The following MTPN variants were observed in gnomAD, a reference collection of about 807,000 sequenced individuals.
The protein encoded by MTPN is myotrophin, also known as granule cell differentiation protein.
In MTPN, 2 loss-of-function variants were observed where a neutral mutation model predicts 13.5. That is an observed-to-expected ratio of 0.15 (90% CI 0.06 to 0.47). The LOEUF is 0.47. Ranked by LOEUF, MTPN falls within the 20% of genes least tolerant of loss-of-function variation. The probability of loss-of-function intolerance (pLI) is 0.97; values close to 1 mark genes in which losing one functional copy is unlikely to be tolerated. For missense variants in MTPN, 79 were observed against 137.9 expected (o/e 0.57, Z 2.14); for synonymous variants, 46 against 51.7 (o/e 0.89, Z 0.48).
chr7:135,966,986 C>T (rs1297586787), intron 1 of MTPN, among the ~76,000 whole-genome samples: 5 of 152,022 alleles, frequency 3.3e-5, no homozygotes, highest in African/African-American at 4.8e-5. Context: ...CTGGAGAGGG[C>T]GGTGAAGAGC....
At chr7:135,950,516 A>G (rs76717481) in intron 3 of MTPN, 83 bp downstream of exon 3, 14,331 of 1,158,170 alleles carry the variant, frequency 0.012, 130 homozygotes, top group Non-Finnish European at 0.015. Flanking sequence ...CTGCTGCCAC[A>G]CAAAATTCAA....
At chr7:135,935,241 T>G (rs1198526305) in intron 3 of MTPN, among the ~76,000 whole-genome samples, 1 of 150,208 alleles carries the variant, frequency 6.7e-6, no homozygotes, top group Admixed American at 6.6e-5. Context: ...AATGATTTCT[T>G]TCTTTTTTTT....
Position 135,929,896 on chromosome 7 carries a change from T to C in MTPN, c.*30A>G. Reference sequence around the variant, plus strand: ...GCAGTGTGAGGCCACAGGAGAGTCATTCTTCCGGAGTTATCAGTCCATCCA... The same window carrying C: ...GCAGTGTGAGGCCACAGGAGAGTCACTCTTCCGGAGTTATCAGTCCATCCA... On this transcript the variant is annotated 3_prime_UTR_variant, in exon 4 of 4. Coordinates refer to ENST00000393085, the MANE Select transcript of MTPN (RefSeq NM_145808.4). 5 of 1,607,430 alleles carry C rather than the reference T, an allele frequency of 3.1e-6. No individual in the cohort carries two copies. Among genetic ancestry groups the C allele is most frequent in the Non-Finnish European group, 4.3e-6 (5 of 1,173,940 alleles).
At chr7:135,962,499 T>C (rs1012600362) in intron 1 of MTPN, among the ~76,000 whole-genome samples, 3 of 152,048 alleles carry the variant, frequency 2.0e-5, no homozygotes, top group Non-Finnish European at 4.4e-5. Flanking sequence ...CAACCAAATC[T>C]GTGAAAAACC....
At chr7:135,976,406 T>C (rs995290652) in intron 1 of MTPN, among the ~76,000 whole-genome samples, 1 of 152,212 alleles carries the variant, frequency 6.6e-6, no homozygotes, top group African/African-American at 2.4e-5. Flanking sequence ...CAGATGCCAG[T>C]TGACAACCTT....
intron 3 of MTPN, chr7:135,932,076 A>G (rs1799030343): frequency 1.3e-5 from 2 of 152,160 alleles, no homozygotes; most frequent in African/African-American, 4.8e-5. Context: ...ATACTAGATC[A>G]TATTCATTGT....
At chr7:135,955,592 T>C (rs946334129) in intron 1 of MTPN, among the ~76,000 whole-genome samples, 5 of 152,302 alleles carry the variant, frequency 3.3e-5, no homozygotes, top group Middle Eastern at 3.4e-3. Flanking sequence ...CAGCATTACT[T>C]TGATTCCAAA....
intron 1 of MTPN, among the ~76,000 whole-genome samples, chr7:135,976,189 T>C (rs1272643273): frequency 6.6e-6 from 1 of 152,246 alleles, no homozygotes; most frequent in Non-Finnish European, 1.5e-5. Flanking sequence ...TTTCCCACTC[T>C]GCCACAATGT....
chr7:135,947,603 C>T (rs999250), intron 3 of MTPN, among the ~76,000 whole-genome samples: 12,060 of 151,916 alleles, frequency 0.079, 540 homozygotes, highest in South Asian at 0.15. Context: ...GTCTTTTTAC[C>T]TGCAGATATG....
At position 135,929,753 on chromosome 7, in the gene MTPN, C is replaced by T. The variant is rs1408999905; in HGVS notation, c.*173G>A. ...GATCATGGTTCCTTTTGCCCCTCCT[C>T]CAAAACAATTTTTTTTTTCTGGTAG... On this transcript the variant is annotated 3_prime_UTR_variant, in exon 4 of 4. Transcript: ENST00000393085. The T allele has an allele frequency of 3.1e-6, 2 of 652,748 alleles. No individual in the cohort carries two copies. The highest frequency in any genetic ancestry group is 1.8e-5 in the African/African-American group (1 of 54,522). 40.4% of individuals were successfully genotyped at this position (652,748 alleles called of 1,614,324 possible).
intron 1 of MTPN, among the ~76,000 whole-genome samples, chr7:135,964,044 C>T (rs111433239): frequency 6.6e-6 from 1 of 151,766 alleles, no homozygotes; most frequent in African/African-American, 2.4e-5. Context: ...CCATTTAAAA[C>T]ATTATAATAT....
chr7:135,934,743 T>C (rs1437933322), intron 3 of MTPN, among the ~76,000 whole-genome samples: 1 of 152,236 alleles, frequency 6.6e-6, no homozygotes, highest in Admixed American at 6.5e-5. Flanking sequence ...TAACTCATTA[T>C]GGTCCTAACT....
At chr7:135,943,434 T>C (rs954426741) in intron 3 of MTPN, among the ~76,000 whole-genome samples, 1 of 152,232 alleles carries the variant, frequency 6.6e-6, no homozygotes, top group Non-Finnish European at 1.5e-5. Context: ...CAAGTTTTAC[T>C]AACTGGCTAC....
chr7:135,929,097 C>T lies in MTPN; in HGVS notation c.*829G>A, dbSNP rs1368520121. 2 of 166,968 alleles carry T rather than the reference C, an allele frequency of 1.2e-5. No individual in the cohort carries two copies. Among genetic ancestry groups the T allele is most frequent in the Admixed American group, 6.5e-5 (1 of 15,280 alleles). 10.3% of individuals were successfully genotyped at this position (166,968 alleles called of 1,614,324 possible). On this transcript the variant is annotated 3_prime_UTR_variant, in exon 4 of 4. Coordinates refer to ENST00000393085, the MANE Select transcript of MTPN (RefSeq NM_145808.4). ...TCATATGATACTAACAGGCTTATGG[C>T]TATGATTCTATTTTTAAATCCCCTT...
At chr7:135,971,711 T>C (rs1268958082) in intron 1 of MTPN, among the ~76,000 whole-genome samples, 2 of 152,248 alleles carry the variant, frequency 1.3e-5, no homozygotes, top group Non-Finnish European at 2.9e-5. Flanking sequence ...GTATACTGCA[T>C]CACAATCCTC....
intron 1 of MTPN, among the ~76,000 whole-genome samples, chr7:135,955,528 A>C (rs748460273): frequency 6.6e-6 from 1 of 152,158 alleles, no homozygotes; most frequent in Non-Finnish European, 1.5e-5. Flanking sequence ...AATTCTACCC[A>C]CTCTTCCCGA....
chr7:135,930,892 G>C (rs1414193552), intron 3 of MTPN, among the ~76,000 whole-genome samples: 1 of 151,996 alleles, frequency 6.6e-6, no homozygotes, highest in Non-Finnish European at 1.5e-5. Context: ...ACATTCTCTA[G>C]AGTCCTGACC....
intron 1 of MTPN, among the ~76,000 whole-genome samples, chr7:135,959,100 T>G (rs1445892539): frequency 6.6e-6 from 1 of 152,170 alleles, no homozygotes; most frequent in Non-Finnish European, 1.5e-5. Flanking sequence ...CTGTTTAATC[T>G]TTTTCTATGA....
chr7:135,939,602 C>G (rs75941839), intron 3 of MTPN, among the ~76,000 whole-genome samples: 486 of 17,618 alleles, frequency 0.028, no homozygotes, highest in Admixed American at 0.047. Context: ...GTGCGTGGGG[C>G]GGGTGCCCAG....
Sources: allele counts gnomAD v4.1 joint callset (sites outside exome capture counted in the v4.1 genomes callset), GRCh38; gene constraint gnomAD v4.1.1; transcripts MANE v1.5; gene names NCBI Gene and HGNC (gene_info 2026-07-23, HGNC 2026-07-21).